The following COL26A1 variants were observed in gnomAD, a reference collection of about 807,000 sequenced individuals.
COL26A1 encodes the protein collagen alpha-1(XXVI) chain.
In COL26A1, 41 loss-of-function variants were observed where a neutral mutation model predicts 59.3. The ratio of observed to expected loss-of-function variants is 0.69; its 90% confidence interval spans 0.54 to 0.90. COL26A1 has a LOEUF of 0.90. Among genes scored for constraint, COL26A1 ranks in the 40% least tolerant of loss-of-function variants. The pLI, the probability that COL26A1 is intolerant of heterozygous loss-of-function variation, is 0.00. For synonymous variants in COL26A1, 266 were observed against 256.0 expected (o/e 1.04, Z -0.37); for missense variants, 612 against 602.3 (o/e 1.02, Z -0.17).
chr7:101,467,801 G>A (rs1476974033), intron 3 of COL26A1, among the ~76,000 whole-genome samples: 2 of 144,788 alleles, frequency 1.4e-5, no homozygotes, highest in African/African-American at 4.9e-5. Context: ...CGGGAAGCAG[G>A]GCTTGCAGTG....
At chr7:101,490,722 T>C (rs777228269) in intron 3 of COL26A1, among the ~76,000 whole-genome samples, 8 of 142,642 alleles carry the variant, frequency 5.6e-5, no homozygotes, top group Non-Finnish European at 1.2e-4. Context: ...TCGGGCACTA[T>C]GGACCATGGC....
At chr7:101,393,676 A>C (rs1791784651) in intron 1 of COL26A1, among the ~76,000 whole-genome samples, 1 of 152,108 alleles carries the variant, frequency 6.6e-6, no homozygotes, top group Admixed American at 6.6e-5. Context: ...TGAACTCCTG[A>C]CCTCAGATGA....
At chr7:101,375,857 G>A (rs1470350494) in intron 1 of COL26A1, among the ~76,000 whole-genome samples, 1 of 151,588 alleles carries the variant, frequency 6.6e-6, no homozygotes, top group African/African-American at 2.4e-5. Context: ...GTGGTGGCGG[G>A]TGCCTGTAGT....
Position 101,488,089 on chromosome 7 carries a change from ATG to A in COL26A1, c.385+40303_385+40304del, listed in dbSNP as rs1192068719. On this transcript the variant is annotated intron_variant, in intron 3 of 12. Transcript: ENST00000313669. ...GTAGTTCAAGACCACCCTGGCCAAC[ATG>A]GTGAAACCCCCATCTCTACTGAAAA... is the stretch of plus-strand genomic sequence containing the variant. 6.0e-5 allele frequency among the ~76,000 whole-genome samples: 9 copies of A among 149,816 alleles called. No homozygotes were observed. The East Asian group carries it at 1.8e-3, about 30-fold the overall frequency.
At chr7:101,488,375 TATACAC>T (rs1563006443) in intron 3 of COL26A1, among the ~76,000 whole-genome samples, 3 of 87,096 alleles carry the variant, frequency 3.4e-5, no homozygotes, top group South Asian at 4.0e-4. Context: ...TATATATATA[TATACAC>T]ACACATTTTT....
chr7:101,414,995 C>A (rs1179070234), intron 1 of COL26A1, among the ~76,000 whole-genome samples: 1 of 152,186 alleles, frequency 6.6e-6, no homozygotes, highest in Admixed American at 6.5e-5. Flanking sequence ...CTTAGACTTT[C>A]TTTTCCATCT....
chr7:101,480,276 T>A (rs1415774498), intron 3 of COL26A1, among the ~76,000 whole-genome samples: 1 of 152,210 alleles, frequency 6.6e-6, no homozygotes, highest in Non-Finnish European at 1.5e-5. Flanking sequence ...CTCTTCAGTG[T>A]GTCCAATAAG....
At position 101,557,711 on chromosome 7, in the gene COL26A1, C is replaced by A; in HGVS notation, c.*181C>A. 3 of 608,152 alleles carry A rather than the reference C, an allele frequency of 4.9e-6. No homozygotes were observed. The highest frequency in any genetic ancestry group is 1.8e-5 in the African/African-American group (1 of 54,216). The allele number at this position is 608,152 out of a possible 1,614,324, so 37.7% of individuals were successfully genotyped here. The stretch of plus-strand genomic sequence containing the variant: ...GGGGCAGGGTCTGGAGGGGCCAACA[C>A]CCTCATCAGAGCCCTCCTCTGGCCT... On this transcript the variant is annotated 3_prime_UTR_variant, in exon 13 of 13. Coordinates refer to ENST00000313669, the MANE Select transcript of COL26A1 (RefSeq NM_001278563.3).
intron 11 of COL26A1, among the ~76,000 whole-genome samples, chr7:101,555,258 T>C (rs944223271): frequency 3.3e-5 from 5 of 152,190 alleles, no homozygotes; most frequent in Non-Finnish European, 7.3e-5. Context: ...CCTGCCTGCC[T>C]GCACTTTGAA....
chr7:101,364,922 C>T (rs936232365), intron 1 of COL26A1, among the ~76,000 whole-genome samples: 8 of 152,216 alleles, frequency 5.3e-5, no homozygotes, highest in African/African-American at 1.9e-4. Context: ...TAAAAGACAG[C>T]TCCTAGTTCT....
chr7:101,485,906 C>A (rs1016667696), intron 3 of COL26A1, among the ~76,000 whole-genome samples: 2 of 152,254 alleles, frequency 1.3e-5, no homozygotes, highest in African/African-American at 4.8e-5. Flanking sequence ...GGCACGATGG[C>A]TCACATCTGT....
At chr7:101,494,047 G>A (rs573906073) in intron 3 of COL26A1, among the ~76,000 whole-genome samples, 3 of 152,328 alleles carry the variant, frequency 2.0e-5, no homozygotes, top group Admixed American at 2.0e-4. Flanking sequence ...GAGCGGGAAA[G>A]GTATTTCAAG....
intron 1 of COL26A1, among the ~76,000 whole-genome samples, chr7:101,415,671 T>C (rs1474266349): frequency 6.6e-6 from 1 of 151,386 alleles, no homozygotes. Flanking sequence ...GGCTCTGTCA[T>C]CCAGACTGGA....
chr7:101,539,975 A>T lies in COL26A1; in HGVS notation c.530A>T (p.Asn177Ile), dbSNP rs762343480. 23 of 1,613,342 alleles carry T rather than the reference A, an allele frequency of 1.4e-5. No homozygotes were observed. In the Admixed American group the frequency reaches 3.8e-4, roughly 27 times the overall value. ...PAPESTPPTW[N>I]EDFLPDAIPL... ...CCCGAGAGCACTCCGCCGACCTGGA[A>T]TGAGGACTTCCTCCCCGACGCCATC... is the stretch of plus-strand genomic sequence containing the variant. Residue 177 changes from asparagine to isoleucine, a missense_variant, in exon 5 of 13, where the codon AAT becomes ATT. By Grantham distance (149) the Asn-to-Ile change is moderately radical (BLOSUM62 -3). Coordinates refer to ENST00000313669, the MANE Select transcript of COL26A1 (RefSeq NM_001278563.3).
intron 4 of COL26A1, among the ~76,000 whole-genome samples, chr7:101,538,853 CAG>C (rs1562795495): frequency 6.6e-6 from 1 of 152,220 alleles, no homozygotes; most frequent in African/African-American, 2.4e-5. Flanking sequence ...GCTACTCAGG[CAG>C]ACCATCTGCC....
chr7:101,529,535 A>G (rs1371760780), intron 3 of COL26A1, among the ~76,000 whole-genome samples: 2 of 152,186 alleles, frequency 1.3e-5, no homozygotes, highest in Non-Finnish European at 2.9e-5. Flanking sequence ...CTGAGATTAC[A>G]GGCGTGAGCC....
At chr7:101,507,072 G>C (rs780767001) in intron 3 of COL26A1, among the ~76,000 whole-genome samples, 3 of 151,950 alleles carry the variant, frequency 2.0e-5, no homozygotes, top group Non-Finnish European at 2.9e-5. Context: ...GTACCACCAC[G>C]CCTGGCTAAT....
At chr7:101,393,836 T>A (rs1791790201) in intron 1 of COL26A1, among the ~76,000 whole-genome samples, 1 of 152,066 alleles carries the variant, frequency 6.6e-6, no homozygotes, top group South Asian at 2.1e-4. Context: ...AGCCTCAAAC[T>A]TCTGGGCTCC....
At chr7:101,380,831 G>C (rs1791429399) in intron 1 of COL26A1, among the ~76,000 whole-genome samples, 1 of 152,180 alleles carries the variant, frequency 6.6e-6, no homozygotes, top group Non-Finnish European at 1.5e-5. Context: ...CTCTAACTTA[G>C]AGGCTTATGA....
Sources: gnomAD v4.1 joint callset for allele counts (sites outside exome capture counted in the v4.1 genomes callset) on GRCh38, gnomAD v4.1.1 for gene constraint, MANE v1.5 for transcripts, NCBI Gene and HGNC (gene_info 2026-07-23, HGNC 2026-07-21) for gene names.